The following LHX2 variants were observed in gnomAD, a reference collection of about 807,000 sequenced individuals.
LHX2 encodes LIM/homeobox protein Lhx2.
A neutral mutation model predicts 33.0 loss-of-function variants in LHX2; 6 were observed. That is an observed-to-expected ratio of 0.18 (90% CI 0.10 to 0.36). The LOEUF (loss-of-function observed/expected upper bound fraction) is 0.36. Among genes scored for constraint, LHX2 ranks in the 10% least tolerant of loss-of-function variants. The pLI is 1.00. For missense variants in LHX2, 442 were observed against 586.2 expected (o/e 0.75, Z 2.54); for synonymous variants, 292 against 253.1 (o/e 1.15, Z -1.46).
At chr9:124,017,173 T>G (rs1859205991) in intron 3 of LHX2, among the ~76,000 whole-genome samples, 1 of 152,206 alleles carries the variant, frequency 6.6e-6, no homozygotes, top group South Asian at 2.1e-4. Flanking sequence ...TTCAGCCATC[T>G]CACTTTCTCT....
In LHX2 at chr9:124,015,426, G is replaced by A. The variant is rs779045579; in HGVS notation, c.628G>A (p.Gly210Ser). 1.3e-6 allele frequency: 2 copies of A among 1,596,998 alleles called. No individual in the cohort carries two copies. The highest frequency in any genetic ancestry group is 2.2e-5 in the East Asian group (1 of 44,518). Residue 210 changes from glycine to serine, a missense_variant, in exon 3 of 5, where the codon GGT (glycine) becomes AGT (serine). Gly to Ser is a moderately conservative substitution (Grantham distance 56). This residue lies in a region of LHX2 where 132 missense variants were observed against 139.1 expected (regional missense o/e 0.95). Coordinates refer to ENST00000373615, the MANE Select transcript of LHX2 (RefSeq NM_004789.4). This position sits in a 1 kb window ranked among gnomAD's most constrained non-coding sequence, Gnocchi z 7.9. ...GLGAAGANPL[G>S]LPYYNGVGTV... is the part of the protein sequence containing the mutation. Reference sequence around the variant, plus strand: ...GGGCGCAGCAGGGGCCAACCCTCTGGGTCTTCCCTACTACAATGGCGTGGG... The same window carrying A: ...GGGCGCAGCAGGGGCCAACCCTCTGAGTCTTCCCTACTACAATGGCGTGGG...
At chr9:124,022,764 C>CGCAACT (rs1328008358) in intron 4 of LHX2, among the ~76,000 whole-genome samples, 3 of 152,248 alleles carry the variant, frequency 2.0e-5, no homozygotes, top group Non-Finnish European at 4.4e-5. Context: ...TGTGACGCGG[C>CGCAACT]GCAACTGCAG....
intron 1 of LHX2, among the ~76,000 whole-genome samples, chr9:124,013,739 C>G (rs568370893): frequency 6.6e-6 from 1 of 152,272 alleles, no homozygotes; most frequent in African/African-American, 2.4e-5. Context: ...GGCCTGGGCC[C>G]GTGGCTGGCG....
In LHX2 at chr9:124,012,255, G is replaced by T; in HGVS notation, c.-94G>T. 2 of 1,246,760 alleles carry T rather than the reference G, an allele frequency of 1.6e-6. No homozygotes were observed. The highest frequency in any genetic ancestry group is 2.0e-6 in the Non-Finnish European group (2 of 978,744). 77.2% of individuals were successfully genotyped at this position (1,246,760 alleles called of 1,614,324 possible). ...GCCGGGGCCGCGGTGGCGATGCACC[G>T]GGCCCGTTAGCGCCAGGAGCGCCAG... On this transcript the variant is annotated 5_prime_UTR_variant, in exon 1 of 5. Coordinates refer to ENST00000373615, the MANE Select transcript of LHX2 (RefSeq NM_004789.4). The surrounding 1 kb of genome is among the most constrained non-coding windows in gnomAD (Gnocchi z 4.3).
intron 4 of LHX2, among the ~76,000 whole-genome samples, chr9:124,030,986 T>C (rs992716916): frequency 6.6e-6 from 1 of 152,040 alleles, no homozygotes; most frequent in Admixed American, 6.6e-5. Flanking sequence ...TGTGCAAAGA[T>C]ATGGGAGTGG....
At chr9:124,023,956 A>G (rs529915501) in intron 4 of LHX2, among the ~76,000 whole-genome samples, 1 of 152,296 alleles carries the variant, frequency 6.6e-6, no homozygotes, top group Admixed American at 6.5e-5. Context: ...CTCTTCCCCC[A>G]CCATCCAGAT....
chr9:124,016,121 A>T lies in LHX2; in HGVS notation c.727+596A>T, dbSNP rs1384800998. On this transcript the variant is annotated intron_variant, in intron 3 of 4. Transcript: ENST00000373615. The surrounding 1 kb of genome is among the most constrained non-coding windows in gnomAD (Gnocchi z 4.4). ...TAAAGACAGGTCTCAGTTTTCCCGG[A>T]CTTTTTCCTCCGAGTTTCCTGGCGC... 6.6e-6 allele frequency among the ~76,000 whole-genome samples: 1 copy of T among 151,662 alleles called. No homozygotes were observed. Among genetic ancestry groups the T allele is most frequent in the East Asian group, 1.9e-4 (1 of 5,150 alleles).
Position 124,032,862 on chromosome 9 carries a change from G to A in LHX2, c.*155G>A, listed in dbSNP as rs973013985. On this transcript the variant is annotated 3_prime_UTR_variant, in exon 5 of 5. Transcript: ENST00000373615. This position sits in a 1 kb window ranked among gnomAD's most constrained non-coding sequence, Gnocchi z 4.1. ...AGGTAAAAAAAAGAAGTGTGCGCCC[G>A]GCTAATGCAGCGGTGTGGACCGAGG... 1.5e-5 allele frequency: 12 copies of A among 781,918 alleles called. No homozygotes were observed. Among genetic ancestry groups the A allele is most frequent in the Non-Finnish European group, 2.2e-5 (11 of 509,454 alleles). The allele number at this position is 781,918 out of a possible 1,614,324, so 48.4% of individuals were successfully genotyped here. A position where few individuals can be genotyped will look rare whatever the true frequency, so the allele number is the denominator to read the frequency against.
chr9:124,017,036 CAA>C (rs967982397), intron 3 of LHX2, among the ~76,000 whole-genome samples: 20 of 152,168 alleles, frequency 1.3e-4, no homozygotes, highest in Non-Finnish European at 2.5e-4. Context: ...TAGGATTGTG[CAA>C]AAAGAGAGTA....
At chr9:124,029,556 G>A (rs1489508540) in intron 4 of LHX2, among the ~76,000 whole-genome samples, 2 of 152,170 alleles carry the variant, frequency 1.3e-5, no homozygotes, top group Admixed American at 6.5e-5. Context: ...AGTTGTGGAC[G>A]ATGGTGTCAT....
intron 4 of LHX2, among the ~76,000 whole-genome samples, chr9:124,022,025 C>G (rs1318941903): frequency 6.6e-6 from 1 of 152,126 alleles, no homozygotes; most frequent in Non-Finnish European, 1.5e-5. Flanking sequence ...AGAGAAGATC[C>G]AGAACTTTCA....
intron 4 of LHX2, among the ~76,000 whole-genome samples, chr9:124,030,775 G>A (rs1828695463): frequency 6.6e-6 from 1 of 151,874 alleles, no homozygotes; most frequent in South Asian, 2.1e-4. Flanking sequence ...GAGGTTACAG[G>A]AGCGCACCAT....
Position 124,014,285 on chromosome 9 carries a change from G to A in LHX2, c.323+122G>A, listed in dbSNP as rs1452206691. ...AGGGTTCACTACTCAGGACTCCCCC[G>A]CTCCCCCCCCAAGTTCTCCAAGCCA... is the stretch of plus-strand genomic sequence containing the variant. On this transcript the variant is annotated intron_variant, in intron 2 of 4. Transcript: ENST00000373615. The surrounding 1 kb of genome is among the most constrained non-coding windows in gnomAD (Gnocchi z 4.8). The A allele has an allele frequency of 1.4e-5, 9 of 623,338 alleles. No homozygotes were observed. The highest frequency in any genetic ancestry group is 4.8e-5 in the Admixed American group (2 of 41,798). The allele number at this position is 623,338 out of a possible 1,614,324, so 38.6% of individuals were successfully genotyped here. A position where few individuals can be genotyped will look rare whatever the true frequency, so the allele number is the denominator to read the frequency against.
At chr9:124,021,497 GT>G (rs918627974) in intron 4 of LHX2, among the ~76,000 whole-genome samples, 193 bp downstream of exon 4, 1 of 151,896 alleles carries the variant, frequency 6.6e-6, no homozygotes. Flanking sequence ...TTCTTACTTT[GT>G]CTTTTCTCTT....
chr9:124,014,173 C>A lies in LHX2; in HGVS notation c.323+10C>A, dbSNP rs1177723638. On this transcript the variant is annotated intron_variant, in intron 2 of 4. Transcript: ENST00000373615. The surrounding 1 kb of genome is among the most constrained non-coding windows in gnomAD (Gnocchi z 4.8). ...AGGAAGACTACTACAGGTAGCCCCC[C>A]CACCCAACTGCCCCTCAGGACCCCT... 1.4e-6 allele frequency: 2 copies of A among 1,415,542 alleles called. No individual in the cohort carries two copies. 87.7% of individuals were successfully genotyped at this position (1,415,542 alleles called of 1,614,324 possible). A position where few individuals can be genotyped will look rare whatever the true frequency, so the allele number is the denominator to read the frequency against.
chr9:124,027,566 C>T (rs1828644742), intron 4 of LHX2, among the ~76,000 whole-genome samples: 1 of 151,954 alleles, frequency 6.6e-6, no homozygotes, highest in African/African-American at 2.4e-5. Context: ...TGCCTGTAAT[C>T]CCAGCACTTT....
At chr9:124,013,905 G>A (rs1024545738) in intron 1 of LHX2, 56 bp from the exon 2 acceptor site, 6 of 1,555,514 alleles carry the variant, frequency 3.9e-6, no homozygotes, top group African/African-American at 2.7e-5. Flanking sequence ...TCCCGGCGGC[G>A]GAGGGGCCGC....
At chr9:124,030,489 C>T (rs546549024) in intron 4 of LHX2, among the ~76,000 whole-genome samples, 1 of 152,176 alleles carries the variant, frequency 6.6e-6, no homozygotes, top group Non-Finnish European at 1.5e-5. Context: ...TTCAACCCCC[C>T]CAGAGTGGCC....
chr9:124,027,617 G>A (rs1292887150), intron 4 of LHX2, among the ~76,000 whole-genome samples: 3 of 152,044 alleles, frequency 2.0e-5, no homozygotes, highest in Admixed American at 1.3e-4. Flanking sequence ...AGGAGGTGGA[G>A]ACCATCCTGG....
Sources: gnomAD v4.1 joint callset for allele counts (sites outside exome capture counted in the v4.1 genomes callset) on GRCh38, gnomAD v4.1.1 for gene constraint, gnomAD v4.1.1 regional missense constraint, Gnocchi (gnomAD v3.1) non-coding constraint, MANE v1.5 for transcripts, NCBI Gene and HGNC (gene_info 2026-07-23, HGNC 2026-07-21) for gene names.